Variants in ALG1L2 observed in about 807,000 individuals in gnomAD.
ALG1L2 encodes putative glycosyltransferase ALG1L2.
Under a neutral mutation model 29.0 loss-of-function variants are expected in ALG1L2, and 32 were observed. The observed-to-expected ratio is 1.10, with a 90% confidence interval of 0.83 to 1.48. The LOEUF is 1.48. Among genes scored for constraint, ALG1L2 ranks in the 40% most tolerant of loss-of-function variants. The pLI, the probability that ALG1L2 is intolerant of heterozygous loss-of-function variation, is 0.00. For missense variants in ALG1L2, 318 were observed against 274.1 expected, an observed-to-expected ratio of 1.16 and a Z score of -1.13; for synonymous variants, 110 against 109.5, an observed-to-expected ratio of 1.00 and a Z score of -0.03.
At position 130,098,321 on chromosome 3, in the gene ALG1L2, A is replaced by G. The variant is rs566603444; in HGVS notation, c.*66A>G. The G allele has an allele frequency of 1.0e-5, 16 of 1,596,470 alleles. No individual in the cohort carries two copies. The East Asian group carries it at 3.6e-4, about 36-fold the overall frequency. On this transcript the variant is annotated 3_prime_UTR_variant, in exon 8 of 8. Transcript: ENST00000425059. ...GAGTCGCAGCAGCTCTGATGGGATGAGAGCTGGGTGCAGACTGTGCTCCCT... is the reference window on the plus strand; with the variant it reads ...GAGTCGCAGCAGCTCTGATGGGATGGGAGCTGGGTGCAGACTGTGCTCCCT...
At chr3:130,093,931 C>T (rs1159947183) in intron 4 of ALG1L2, 6 of 211,406 alleles carry the variant, frequency 2.8e-5, no homozygotes, top group Non-Finnish European at 3.9e-5. Context: ...GTTTGGAACC[C>T]GCGCCATGTG....
At position 130,094,156 on chromosome 3, in the gene ALG1L2, G is replaced by T. The variant is rs964207784; in HGVS notation, c.314-247G>T. The T allele has an allele frequency of 1.7e-5, 9 of 537,902 alleles. No individual in the cohort carries two copies. In the Admixed American group the frequency reaches 2.8e-4, roughly 17 times the overall value. 33.3% of individuals were successfully genotyped at this position (537,902 alleles called of 1,614,324 possible). Reference sequence around the variant, plus strand: ...GCCAGGCCAGTGCTTACCCCGCCTTGTTTGCAGCCCGAGGCCAGCTGGTTG... The same window carrying T: ...GCCAGGCCAGTGCTTACCCCGCCTTTTTTGCAGCCCGAGGCCAGCTGGTTG... On this transcript the variant is annotated intron_variant, in intron 4 of 7. Transcript: ENST00000425059.
chr3:130,094,938 G>A (rs1044512279), intron 5 of ALG1L2, among the ~76,000 whole-genome samples: 5 of 152,194 alleles, frequency 3.3e-5, no homozygotes, highest in African/African-American at 9.7e-5. Context: ...CTCCAAGTGG[G>A]GAGTCGTGGC....
At chr3:130,098,073 G>A (rs776105075) in intron 7 of ALG1L2, 150 bp from the exon 8 acceptor site, 162 of 1,083,628 alleles carry the variant, frequency 1.5e-4, no homozygotes, top group Middle Eastern at 1.2e-3. Flanking sequence ...AGATGGAGGC[G>A]GAGCGCTGCT....
intron 3 of ALG1L2, 66 bp from the exon 4 acceptor site, chr3:130,093,035 A>AG: frequency 1.1e-6 from 1 of 874,212 alleles, no homozygotes; most frequent in East Asian, 2.9e-5. Context: ...GTCAGAAAAA[A>AG]AAAAAAAAAA....
At chr3:130,084,976 T>TGTATTTATTTATTTA (rs1934861012) in intron 1 of ALG1L2, among the ~76,000 whole-genome samples, 1 of 75,674 alleles carries the variant, frequency 1.3e-5, no homozygotes, top group African/African-American at 4.3e-5. Context: ...TTATTTATTT[T>TGTATTTATTTATTTA]GAGACAGAAT....
intron 6 of ALG1L2, 77 bp from the exon 7 acceptor site, chr3:130,097,098 T>G (rs1577331143): frequency 4.4e-6 from 7 of 1,581,322 alleles, no homozygotes; most frequent in Middle Eastern, 2.3e-4. Context: ...GTGGGGTGGG[T>G]GGGAGCCCAG....
intron 6 of ALG1L2, 66 bp downstream of exon 6, chr3:130,096,229 T>A: frequency 6.4e-7 from 1 of 1,562,838 alleles, no homozygotes; most frequent in East Asian, 2.3e-5. Flanking sequence ...GGGGAAGCAG[T>A]GCAGAGTGAG....
chr3:130,081,982 C>T lies in ALG1L2; in HGVS notation c.-35C>T, dbSNP rs2108111848. ...CAGAGGCTGGAGAAATAAGCAGTTC[C>T]TTGCTAAGAAGTCTGAATTTTAACC... On this transcript the variant is annotated 5_prime_UTR_variant, in exon 1 of 8. Coordinates refer to ENST00000425059, the MANE Select transcript of ALG1L2 (RefSeq NM_001136152.1). 6.8e-7 allele frequency: 1 copy of T among 1,460,416 alleles called. No homozygotes were observed. Among genetic ancestry groups the T allele is most frequent in the East Asian group, 2.5e-5 (1 of 40,648 alleles). The allele number at this position is 1,460,416 out of a possible 1,614,324, so 90.5% of individuals were successfully genotyped here.
intron 4 of ALG1L2, chr3:130,094,110 CCACCCAGTGGGTGGTCG>C: frequency 2.2e-6 from 1 of 450,514 alleles, no homozygotes; most frequent in Non-Finnish European, 4.1e-6. Context: ...AAGGCTGGGC[CCACCCAGTGGGTGGTCG>C]CGTGCCAGGC....
chr3:130,095,593 C>G (rs1461858359), intron 5 of ALG1L2, among the ~76,000 whole-genome samples: 2 of 151,434 alleles, frequency 1.3e-5, no homozygotes, highest in Non-Finnish European at 2.9e-5. Flanking sequence ...CCTGCCATGA[C>G]GCTTCGCTAA....
chr3:130,082,827 T>C (rs1265552598), intron 1 of ALG1L2, among the ~76,000 whole-genome samples: 1 of 146,506 alleles, frequency 6.8e-6, no homozygotes, highest in Non-Finnish European at 1.5e-5. Context: ...CAAGTGAGCA[T>C]AAGGGAAGCC....
At chr3:130,096,941 C>G (rs1463079572) in intron 6 of ALG1L2, among the ~76,000 whole-genome samples, 1 of 152,170 alleles carries the variant, frequency 6.6e-6, no homozygotes, top group African/African-American at 2.4e-5. Flanking sequence ...ACAGAAGGTA[C>G]AAACCTTCCT....
chr3:130,096,684 G>A (rs2929798), intron 6 of ALG1L2, among the ~76,000 whole-genome samples: 1 of 152,138 alleles, frequency 6.6e-6, no homozygotes, highest in Non-Finnish European at 1.5e-5. Flanking sequence ...GATTCTAGAA[G>A]CAGTAGCCCC....
At chr3:130,084,948 T>TTTTATTTATTTA (rs71155601) in intron 1 of ALG1L2, among the ~76,000 whole-genome samples, 1 of 61,226 alleles carries the variant, frequency 1.6e-5, no homozygotes, top group Non-Finnish European at 4.1e-5. Flanking sequence ...ATATATATAA[T>TTTTATTTATTTA]TTTATTTATT....
chr3:130,086,167 A>T (rs1172244669), intron 1 of ALG1L2, among the ~76,000 whole-genome samples: 1 of 151,308 alleles, frequency 6.6e-6, no homozygotes, highest in Non-Finnish European at 1.5e-5. Context: ...ATAAGAGGTT[A>T]ATCTGTGGGT....
In ALG1L2 at chr3:130,082,083, T is replaced by G. The variant is rs1934796877; in HGVS notation, c.20+47T>G. The stretch of plus-strand genomic sequence containing the variant: ...GTTGGATTGCAATGCAGAGAAACCC[T>G]GGGTTGGCCTGCGTCTGATAGACTG... On this transcript the variant is annotated intron_variant, in intron 1 of 7. Transcript: ENST00000425059. 2.7e-6 allele frequency: 4 copies of G among 1,485,184 alleles called. No individual in the cohort carries two copies. In the African/African-American group the frequency reaches 5.5e-5, roughly 20 times the overall value. 92.0% of individuals were successfully genotyped at this position (1,485,184 alleles called of 1,614,324 possible). A position where few individuals can be genotyped will look rare whatever the true frequency, so the allele number is the denominator to read the frequency against.
At chr3:130,091,713 A>T (rs1208863642) in intron 2 of ALG1L2, 1 of 552,604 alleles carries the variant, frequency 1.8e-6, no homozygotes, top group Non-Finnish European at 3.3e-6. Context: ...GGATCTGTGG[A>T]CCTGTGTGTC....
At chr3:130,082,281 A>G (rs1242010978) in intron 1 of ALG1L2, among the ~76,000 whole-genome samples, 5 of 137,862 alleles carry the variant, frequency 3.6e-5, no homozygotes, top group Non-Finnish European at 1.7e-5. Flanking sequence ...AGGGACCCCG[A>G]GCTTGGCTTA....
Sources: allele counts gnomAD v4.1 joint callset (sites outside exome capture counted in the v4.1 genomes callset), GRCh38; gene constraint gnomAD v4.1.1; transcripts MANE v1.5; gene names NCBI Gene and HGNC (gene_info 2026-07-23, HGNC 2026-07-21).